The following TLR7 variants were observed in gnomAD, a reference collection of about 807,000 sequenced individuals.
TLR7 encodes the protein toll like receptor 7.
TLR7 carries 12 observed loss-of-function variants against 38.3 expected under a neutral mutation model. That is an observed-to-expected ratio of 0.31 (90% CI 0.20 to 0.51). The LOEUF is 0.51. TLR7 is among the 20% of genes least tolerant of loss of function. The probability of loss-of-function intolerance (pLI) is 0.98; values close to 1 mark genes in which losing one functional copy is unlikely to be tolerated. For missense variants in TLR7, 504 were observed against 743.4 expected, an observed-to-expected ratio of 0.68 and a Z score of 3.74; for synonymous variants, 285 against 293.8, an observed-to-expected ratio of 0.97 and a Z score of 0.31.
In TLR7 at chrX:12,887,257, A is replaced by G; in HGVS notation, c.1749A>G (p.Glu583=). 8.3e-7 allele frequency: 1 copy of G among 1,210,415 alleles called. No individual in the cohort carries two copies. The highest frequency in any genetic ancestry group is 3.0e-5 in the East Asian group (1 of 33,831). The change falls in exon 3 of 3, where the codon GAA becomes GAG. Residue 583 remains glutamate (E), a synonymous_variant. Coordinates refer to ENST00000380659, the MANE Select transcript of TLR7 (RefSeq NM_016562.4). ...ISSNSHYFQS[E]GITHMLNFTK... is the part of the protein sequence containing the mutation. ...GTAATAGCCATTATTTTCAATCAGA[A>G]GGAATTACTCATATGCTAAACTTTA...
intron 2 of TLR7, among the ~76,000 whole-genome samples, chrX:12,881,784 G>A (rs189409942): frequency 9.0e-5 from 10 of 110,984 alleles, no homozygotes; most frequent in Admixed American, 7.7e-4. Flanking sequence ...CAAAGGTTTC[G>A]GATAAGGGAT....
In TLR7 at chrX:12,888,807, A is replaced by G; in HGVS notation, c.*149A>G. 1.7e-6 allele frequency: 1 copy of G among 580,550 alleles called. No homozygotes were observed. Among genetic ancestry groups the G allele is most frequent in the Non-Finnish European group, 2.6e-6 (1 of 384,470 alleles). The allele number at this position is 580,550 out of a possible 1,213,427, so 47.8% of individuals were successfully genotyped here. A position where few individuals can be genotyped will look rare whatever the true frequency, so the allele number is the denominator to read the frequency against. On this transcript the variant is annotated 3_prime_UTR_variant, in exon 3 of 3. Coordinates refer to ENST00000380659, the MANE Select transcript of TLR7 (RefSeq NM_016562.4). ...TTCAGGGGAGCCACCAACGTCTGTC[A>G]CAGGAGTTGGAAAGATGGGGTTTAT...
In TLR7 at chrX:12,867,488, T is replaced by C; in HGVS notation, c.-91T>C. On this transcript the variant is annotated 5_prime_UTR_variant, in exon 2 of 3. Transcript: ENST00000380659. ...GTCTTCTCTTTCTCTTAGTTGATGC[T>C]ATTGGGCCCATCTCAAGCTGATCTT... The C allele has an allele frequency of 1.2e-6, 1 of 800,017 alleles. No individual in the cohort carries two copies. The highest frequency in any genetic ancestry group is 2.0e-5 in the African/African-American group (1 of 49,296). 65.9% of individuals were successfully genotyped at this position (800,017 alleles called of 1,213,427 possible). A position where few individuals can be genotyped will look rare whatever the true frequency, so the allele number is the denominator to read the frequency against.
At chrX:12,870,572 C>T (rs766612348) in intron 2 of TLR7, among the ~76,000 whole-genome samples, 2 of 111,481 alleles carry the variant, frequency 1.8e-5, no homozygotes, top group East Asian at 2.8e-4. Flanking sequence ...TGTATATCCC[C>T]GAAACTCACC....
chrX:12,871,080 G>C (rs2042850874), intron 2 of TLR7, among the ~76,000 whole-genome samples: 1 of 111,659 alleles, frequency 9.0e-6, no homozygotes, highest in Admixed American at 9.5e-5. Context: ...AACTAAGTCT[G>C]TTGGGCTAAA....
Position 12,868,883 on chromosome X carries a change from CA to C in TLR7, c.3+1305del, listed in dbSNP as rs757233702. On this transcript the variant is annotated intron_variant, in intron 2 of 2. Transcript: ENST00000380659. Reference sequence around the variant, plus strand: ...AGAAACCCAGATGTCTATTTTAATGCAAACCTATGCCCACATCTGTCTTTGC... The same window carrying C: ...AGAAACCCAGATGTCTATTTTAATGCAACCTATGCCCACATCTGTCTTTGC... 7.1e-5 allele frequency among the ~76,000 whole-genome samples: 8 copies of C among 112,034 alleles called. No individual in the cohort carries two copies. The South Asian group carries it at 1.9e-3, about 26-fold the overall frequency.
At chrX:12,875,288 C>CAGCAG (rs2042866515) in intron 2 of TLR7, among the ~76,000 whole-genome samples, 2 of 111,934 alleles carry the variant, frequency 1.8e-5, no homozygotes, top group Non-Finnish European at 3.8e-5. Flanking sequence ...GACAATAGAG[C>CAGCAG]AGCAGAGTAT....
Position 12,885,703 on chromosome X carries a change from G to A in TLR7, c.195G>A (p.Thr65=), listed in dbSNP as rs201345374. The change falls in exon 3 of 3, where the codon ACG becomes ACA. Residue 65 remains threonine (T), a synonymous_variant. Coordinates refer to ENST00000380659, the MANE Select transcript of TLR7 (RefSeq NM_016562.4). The part of the protein sequence containing the change: ...HLTEIPGGIP[T]NTTNLTLTIN... ...CAGAAATTCCTGGAGGTATTCCCACGAACACCACGAACCTCACCCTCACCA... is the reference window on the plus strand; with the variant it reads ...CAGAAATTCCTGGAGGTATTCCCACAAACACCACGAACCTCACCCTCACCA... 5.8e-6 allele frequency: 7 copies of A among 1,209,695 alleles called. No homozygotes were observed. The highest frequency in any genetic ancestry group is 2.2e-5 in the Admixed American group (1 of 45,686).
Position 12,887,021 on chromosome X carries a change from A to T in TLR7, c.1513A>T (p.Ile505Leu). ...GACCTTGGATCTAAGTAAAAATAGT[A>T]TATTTTTTGTCAAGTCCTCTGATTT... ...GQTLDLSKNS[I>L]FFVKSSDFQH... is the part of the protein sequence containing the mutation. Residue 505 changes from isoleucine (I) to leucine (L), a missense_variant, in exon 3 of 3, where the codon ATA (isoleucine) becomes TTA (leucine). Physicochemically the swap from Ile to Leu is conservative, Grantham distance 5 (BLOSUM62 2). Transcript: ENST00000380659. The T allele has an allele frequency of 8.3e-7, 1 of 1,208,928 alleles. No homozygotes were observed.
At chrX:12,871,527 T>C (rs1054460771) in intron 2 of TLR7, among the ~76,000 whole-genome samples, 2 of 112,206 alleles carry the variant, frequency 1.8e-5, no homozygotes, top group African/African-American at 6.5e-5. Context: ...AGCCATCCCC[T>C]CTGGTTTCTC....
intron 2 of TLR7, among the ~76,000 whole-genome samples, chrX:12,867,905 G>A (rs2042839323): frequency 1.8e-5 from 2 of 112,550 alleles, no homozygotes; most frequent in South Asian, 7.2e-4. Flanking sequence ...ACAAATCACT[G>A]AATTACTGAA....
intron 2 of TLR7, among the ~76,000 whole-genome samples, chrX:12,871,841 A>G (rs1322304687): frequency 5.4e-5 from 6 of 111,444 alleles, no homozygotes; most frequent in Non-Finnish European, 5.7e-5. Flanking sequence ...TTAACTCACT[A>G]TAAAAATAAA....
chrX:12,868,776 C>G (rs1395467979), intron 2 of TLR7, among the ~76,000 whole-genome samples: 1 of 111,575 alleles, frequency 9.0e-6, no homozygotes, highest in Non-Finnish European at 1.9e-5. Context: ...CTCCTAGGCT[C>G]ATTTTGTGTC....
chrX:12,883,677 T>C (rs191322795), intron 2 of TLR7, among the ~76,000 whole-genome samples: 2 of 110,408 alleles, frequency 1.8e-5, no homozygotes, highest in African/African-American at 3.3e-5. Context: ...ATAGATAGGG[T>C]AGACTGGGAA....
chrX:12,879,159 G>A (rs1250842790), intron 2 of TLR7, among the ~76,000 whole-genome samples: 1 of 111,381 alleles, frequency 9.0e-6, no homozygotes, highest in Non-Finnish European at 1.9e-5. Flanking sequence ...AAATCATTTC[G>A]CCTAAGAGTA....
At chrX:12,881,595 CT>C (rs1207283812) in intron 2 of TLR7, among the ~76,000 whole-genome samples, 15 of 99,451 alleles carry the variant, frequency 1.5e-4, no homozygotes, top group Admixed American at 8.8e-4. Context: ...GTTATTTATT[CT>C]TTTTTTTTTA....
intron 2 of TLR7, among the ~76,000 whole-genome samples, chrX:12,874,457 G>A (rs1222578134): frequency 1.8e-5 from 2 of 111,824 alleles, no homozygotes; most frequent in Non-Finnish European, 3.8e-5. Context: ...GCTTTGCATG[G>A]ACCATTTTGA....
rs962466999 is a variant in TLR7, at chrX:12,889,610, T to C, written c.*952T>C. On this transcript the variant is annotated 3_prime_UTR_variant, in exon 3 of 3. Coordinates refer to ENST00000380659, the MANE Select transcript of TLR7 (RefSeq NM_016562.4). The stretch of plus-strand genomic sequence containing the variant: ...GACACATCCTTACCATAAATGCATA[T>C]GGTCCACCTACAAATAGAAAAATAT... 1.8e-5 allele frequency: 2 copies of C among 112,329 alleles called. No homozygotes were observed. The highest frequency in any genetic ancestry group is 6.5e-5 in the African/African-American group (2 of 30,897). The allele number at this position is 112,329 out of a possible 1,213,427, so 9.3% of individuals were successfully genotyped here. A position where few individuals can be genotyped will look rare whatever the true frequency, so the allele number is the denominator to read the frequency against.
intron 2 of TLR7, among the ~76,000 whole-genome samples, chrX:12,880,383 A>G (rs1312105482): frequency 8.9e-6 from 1 of 112,202 alleles, no homozygotes; most frequent in Non-Finnish European, 1.9e-5. Context: ...CTCCACCCAG[A>G]GTGCTTTTCA....
Sources: allele counts gnomAD v4.1 joint callset (sites outside exome capture counted in the v4.1 genomes callset), GRCh38; gene constraint gnomAD v4.1.1; transcripts MANE v1.5; gene names NCBI Gene and HGNC (gene_info 2026-07-23, HGNC 2026-07-21).